Variants in DDX10 observed in about 807,000 individuals in gnomAD.
DDX10 encodes DEAD-box helicase 10, also known as probable ATP-dependent RNA helicase DDX10.
In DDX10, 74 loss-of-function variants were observed where a neutral mutation model predicts 104.3. The observed-to-expected ratio is 0.71, with a 90% CI of 0.59 to 0.86. DDX10 has a LOEUF of 0.86. Ranked by LOEUF, DDX10 falls within the 40% of genes least tolerant of loss-of-function variation. The pLI is 0.00. For synonymous variants in DDX10, 351 were observed against 353.4 expected (o/e 0.99, Z 0.08); for missense variants, 952 against 1,040.0 (o/e 0.92, Z 1.16).
Position 108,715,876 on chromosome 11 carries a change from A to G in DDX10, c.1323-3A>G. On this transcript the variant is annotated splice_region_variant and splice_polypyrimidine_tract_variant and intron_variant, in intron 10 of 17. Coordinates refer to ENST00000322536, the MANE Select transcript of DDX10 (RefSeq NM_004398.4). Reference sequence around the variant, plus strand: ...TTTTAACCTTTATCTTTTTGTTACAAAGAATCAATCCAGAAAAACTTATAG... The same window carrying G: ...TTTTAACCTTTATCTTTTTGTTACAGAGAATCAATCCAGAAAAACTTATAG... 2 of 1,437,194 alleles carry G rather than the reference A, an allele frequency of 1.4e-6. No individual in the cohort carries two copies. Among genetic ancestry groups the G allele is most frequent in the African/African-American group, 1.4e-5 (1 of 70,504 alleles). 89.0% of individuals were successfully genotyped at this position (1,437,194 alleles called of 1,614,324 possible). A position where few individuals can be genotyped will look rare whatever the true frequency, so the allele number is the denominator to read the frequency against.
intron 16 of DDX10, among the ~76,000 whole-genome samples, chr11:108,866,961 G>A (rs1298299151): frequency 6.6e-6 from 1 of 152,120 alleles, no homozygotes; most frequent in South Asian, 2.1e-4. Context: ...TGACTTGTAG[G>A]ATTCACAAAA....
intron 13 of DDX10, among the ~76,000 whole-genome samples, chr11:108,829,643 T>C (rs1036912538): frequency 6.6e-6 from 1 of 152,228 alleles, no homozygotes; most frequent in Non-Finnish European, 1.5e-5. Context: ...TTTTGGTTGG[T>C]CATAAAGTCT....
chr11:108,750,568 T>C lies in DDX10; in HGVS notation c.1965+27106T>C, dbSNP rs184258830. On this transcript the variant is annotated intron_variant, in intron 13 of 17. Coordinates refer to ENST00000322536, the MANE Select transcript of DDX10 (RefSeq NM_004398.4). ...CAGTCTGATAATGTCTATGGGGCCCTTCTTAGAGTAATGTTTCTAATGTGT... is the reference window on the plus strand; with the variant it reads ...CAGTCTGATAATGTCTATGGGGCCCCTCTTAGAGTAATGTTTCTAATGTGT... 7.9e-3 allele frequency among the ~76,000 whole-genome samples: 1,205 copies of C among 152,258 alleles called. 12 individuals carry two copies. The highest frequency in any genetic ancestry group is 0.011 in the Non-Finnish European group (718 of 68,004).
chr11:108,874,448 T>C (rs947128678), intron 16 of DDX10, among the ~76,000 whole-genome samples: 5 of 152,200 alleles, frequency 3.3e-5, no homozygotes, highest in Admixed American at 6.5e-5. Context: ...TTACTCTACA[T>C]TGGAAAGTAA....
rs536973669 is a variant in DDX10 at position 108,766,999 on chromosome 11, G to A, written c.1965+43537G>A. ...ATAGATGCTAATTGATGTCTTTTAA[G>A]TGGTTGTTGGGGCAAGGGACTCTTC... On this transcript the variant is annotated intron_variant, in intron 13 of 17. Transcript: ENST00000322536. Among the ~76,000 whole-genome samples the A allele has an allele frequency of 1.6e-4, 24 of 152,292 alleles. 1 individual carries two copies. The highest frequency in any genetic ancestry group is 8.8e-5 in the Non-Finnish European group (6 of 68,016).
intron 13 of DDX10, among the ~76,000 whole-genome samples, chr11:108,724,036 A>G (rs1424954343): frequency 2.6e-5 from 4 of 152,082 alleles, no homozygotes; most frequent in Non-Finnish European, 5.9e-5. Context: ...CATTTAGATA[A>G]AGCACTTGTT....
chr11:108,755,286 C>G lies in DDX10; in HGVS notation c.1965+31824C>G, dbSNP rs144960516. Among the ~76,000 whole-genome samples, 5 of 152,112 alleles carry G rather than the reference C, an allele frequency of 3.3e-5. No individual in the cohort carries two copies. The East Asian group carries it at 9.7e-4, about 29-fold the overall frequency. On this transcript the variant is annotated intron_variant, in intron 13 of 17. Transcript: ENST00000322536. ...TAAAAGCATTTGCCCTGGAGAAAAT[C>G]CTTGAAGTTACTTTTTATAGCTGCA...
intron 16 of DDX10, among the ~76,000 whole-genome samples, chr11:108,888,733 G>A (rs920990713): frequency 4.6e-5 from 7 of 151,838 alleles, no homozygotes; most frequent in African/African-American, 1.5e-4. Flanking sequence ...TAGACTAGAC[G>A]TGGGATATAC....
At chr11:108,899,159 A>G (rs553977800) in intron 16 of DDX10, among the ~76,000 whole-genome samples, 1 of 152,014 alleles carries the variant, frequency 6.6e-6, no homozygotes, top group Non-Finnish European at 1.5e-5. Flanking sequence ...TTCTGATCAT[A>G]TAAATGCACT....
chr11:108,684,460 T>C, intron 6 of DDX10, among the ~76,000 whole-genome samples: 1 of 147,174 alleles, frequency 6.8e-6, no homozygotes, highest in Non-Finnish European at 1.5e-5. Flanking sequence ...GTTTGGTTTT[T>C]TGTTCTTGCG....
At chr11:108,912,747 A>G (rs1298018320) in intron 16 of DDX10, among the ~76,000 whole-genome samples, 1 of 152,172 alleles carries the variant, frequency 6.6e-6, no homozygotes, top group Non-Finnish European at 1.5e-5. Flanking sequence ...CAAGAACTCA[A>G]AGTCATCCCT....
chr11:108,835,266 A>G (rs1271800187), intron 13 of DDX10, among the ~76,000 whole-genome samples: 2 of 152,244 alleles, frequency 1.3e-5, no homozygotes, highest in African/African-American at 2.4e-5. Context: ...AGGAAGAACA[A>G]TAGTCACACA....
At chr11:108,688,019 A>T (rs1181190330) in intron 6 of DDX10, among the ~76,000 whole-genome samples, 1 of 152,210 alleles carries the variant, frequency 6.6e-6, no homozygotes, top group Non-Finnish European at 1.5e-5. Flanking sequence ...TGTCCTAGAC[A>T]TCACTCCTCA....
chr11:108,733,566 C>G (rs2094314856), intron 13 of DDX10, among the ~76,000 whole-genome samples: 1 of 152,122 alleles, frequency 6.6e-6, no homozygotes, highest in South Asian at 2.1e-4. Flanking sequence ...ACTTCCTTGC[C>G]TAATGTTGCA....
chr11:108,883,917 C>T (rs550130842), intron 16 of DDX10, among the ~76,000 whole-genome samples: 1 of 152,282 alleles, frequency 6.6e-6, no homozygotes, highest in South Asian at 2.1e-4. Flanking sequence ...CATCTTCTTT[C>T]CTAACTTCTC....
At chr11:108,770,310 TTTAAG>T (rs1220952714) in intron 13 of DDX10, among the ~76,000 whole-genome samples, 4 of 152,116 alleles carry the variant, frequency 2.6e-5, no homozygotes, top group African/African-American at 4.8e-5. Flanking sequence ...GATTATGTTC[TTTAAG>T]TTATCTAAAA....
intron 9 of DDX10, among the ~76,000 whole-genome samples, chr11:108,694,294 G>A (rs751177694): frequency 3.3e-5 from 5 of 152,162 alleles, no homozygotes; most frequent in Non-Finnish European, 5.9e-5. Context: ...TTCAGGTGAG[G>A]AAACTGAATC....
intron 13 of DDX10, among the ~76,000 whole-genome samples, chr11:108,770,145 C>G (rs996396569): frequency 2.0e-5 from 3 of 152,020 alleles, no homozygotes; most frequent in Non-Finnish European, 4.4e-5. Flanking sequence ...TTTATTCATT[C>G]ATTCATTTTA....
intron 13 of DDX10, among the ~76,000 whole-genome samples, chr11:108,777,458 G>A (rs2094371480): frequency 6.6e-6 from 1 of 152,080 alleles, no homozygotes; most frequent in African/African-American, 2.4e-5. Flanking sequence ...GAGTAGCTGG[G>A]ATTACAGGCG....
Sources: allele counts gnomAD v4.1 joint callset (sites outside exome capture counted in the v4.1 genomes callset), GRCh38; gene constraint gnomAD v4.1.1; transcripts MANE v1.5; gene names NCBI Gene and HGNC (gene_info 2026-07-23, HGNC 2026-07-21).